Variants in C1GALT1 observed in about 807,000 individuals in gnomAD.
C1GALT1 encodes the protein core 1 synthase, glycoprotein-N-acetylgalactosamine 3-beta-galactosyltransferase 1, also known as glycoprotein-N-acetylgalactosamine 3-beta-galactosyltransferase 1.
A neutral mutation model predicts 31.0 loss-of-function variants in C1GALT1; 11 were observed. That is an observed-to-expected ratio of 0.36 (90% CI 0.22 to 0.59). The LOEUF is 0.59. Among genes scored for constraint, C1GALT1 ranks in the 20% least tolerant of loss-of-function variants. The pLI is 0.79. For synonymous variants in C1GALT1, 175 were observed against 143.6 expected (o/e 1.22, Z -1.56); for missense variants, 424 against 425.2 (o/e 1.00, Z 0.03).
intron 2 of C1GALT1, among the ~76,000 whole-genome samples, chr7:7,168,491 G>A (rs748543365): frequency 1.3e-5 from 2 of 152,208 alleles, no homozygotes; most frequent in African/African-American, 4.8e-5. Context: ...AAGGAAAGCC[G>A]TCAGGCCCCA....
At chr7:7,236,448 G>C (rs1783356247) in intron 2 of C1GALT1, among the ~76,000 whole-genome samples, 1 of 152,180 alleles carries the variant, frequency 6.6e-6, no homozygotes, top group South Asian at 2.1e-4. Context: ...CTTTCTGACT[G>C]AAAGTAGGGT....
At chr7:7,218,533 G>A (rs534084413) in intron 1 of C1GALT1, among the ~76,000 whole-genome samples, 66 of 152,236 alleles carry the variant, frequency 4.3e-4, no homozygotes, top group African/African-American at 1.6e-3. Context: ...AGATTTGGGG[G>A]TGGGGGATGA....
chr7:7,214,408 C>G (rs1369084118), intron 1 of C1GALT1, among the ~76,000 whole-genome samples: 1 of 151,924 alleles, frequency 6.6e-6, no homozygotes, highest in Admixed American at 6.6e-5. Context: ...GAGCCTTTTT[C>G]CAGAAAAACA....
Position 7,173,773 on chromosome 7 carries a change from C to G in C1GALT1, c.-18+16347C>G, listed in dbSNP as rs566233073. Among the ~76,000 whole-genome samples, 8 of 152,204 alleles carry G rather than the reference C, an allele frequency of 5.3e-5. No homozygotes were observed. The South Asian group carries it at 1.7e-3, about 32-fold the overall frequency. On this transcript the variant is annotated intron_variant, in intron 2 of 3. Coordinates refer to the C1GALT1 transcript ENST00000429911. ...AAAAAATTAGCTGGGCATGGTGGTG[C>G]ATGCCTCTGGTCCCTGTTACTCGGG...
intron 2 of C1GALT1, among the ~76,000 whole-genome samples, chr7:7,164,788 A>G (rs1031561097): frequency 6.6e-6 from 1 of 152,150 alleles, no homozygotes; most frequent in African/African-American, 2.4e-5. Context: ...CACCTGAGGC[A>G]GTTCCCTGAG....
At chr7:7,231,075 G>A (rs1017687795) in intron 1 of C1GALT1, among the ~76,000 whole-genome samples, 1 of 151,960 alleles carries the variant, frequency 6.6e-6, no homozygotes, top group Non-Finnish European at 1.5e-5. Flanking sequence ...CTTAGGTTTT[G>A]TTTTTCTGAA....
intron 3 of C1GALT1, among the ~76,000 whole-genome samples, chr7:7,241,021 C>T (rs1583839921): frequency 6.6e-6 from 1 of 152,074 alleles, no homozygotes; most frequent in East Asian, 1.9e-4. Context: ...CCCACTCCAC[C>T]TTCTTAGTAA....
chr7:7,235,899 CTT>C (rs1783314861), intron 2 of C1GALT1, among the ~76,000 whole-genome samples: 1 of 151,430 alleles, frequency 6.6e-6, no homozygotes, highest in Non-Finnish European at 1.5e-5. Flanking sequence ...TTTTTCATCT[CTT>C]TTCCTCTCAG....
In C1GALT1 at chr7:7,197,341, C is replaced by G. The variant is rs960255718; in HGVS notation, c.-18+14521C>G. Among the ~76,000 whole-genome samples the G allele has an allele frequency of 2.6e-5, 4 of 152,104 alleles. No homozygotes were observed. The South Asian group carries it at 8.3e-4, about 31-fold the overall frequency. ...TGTTTTTGTCGGGTTTGTCAAAGAT[C>G]AGAAGGTTGTACATGTGTGGTTTTA... On this transcript the variant is annotated intron_variant, in intron 1 of 3. Coordinates refer to ENST00000436587, the MANE Select transcript of C1GALT1 (RefSeq NM_020156.5).
chr7:7,217,404 C>A (rs1280891721), intron 1 of C1GALT1, among the ~76,000 whole-genome samples: 6 of 152,142 alleles, frequency 3.9e-5, no homozygotes, highest in African/African-American at 1.4e-4. Flanking sequence ...TGCTACATCA[C>A]CCAGGCTGCA....
At chr7:7,236,051 C>T (rs569948193) in intron 2 of C1GALT1, among the ~76,000 whole-genome samples, 1 of 152,114 alleles carries the variant, frequency 6.6e-6, no homozygotes, top group Admixed American at 6.5e-5. Flanking sequence ...TTTGTTCTAC[C>T]TAGGTCCCTA....
At chr7:7,217,934 G>T (rs1782321100) in intron 1 of C1GALT1, among the ~76,000 whole-genome samples, 1 of 152,152 alleles carries the variant, frequency 6.6e-6, no homozygotes, top group Non-Finnish European at 1.5e-5. Context: ...AAAGCTAGAT[G>T]GCTCTTGCAA....
At chr7:7,182,010 A>G (rs1022885689), upstream of C1GALT1, among the ~76,000 whole-genome samples, 3 of 152,164 alleles carry the variant, frequency 2.0e-5, no homozygotes, top group African/African-American at 7.2e-5. Flanking sequence ...AAATGTGCCT[A>G]TAGAAAGCTT....
At chr7:7,240,628 C>A (rs1006887796) in intron 3 of C1GALT1, among the ~76,000 whole-genome samples, 1 of 152,052 alleles carries the variant, frequency 6.6e-6, no homozygotes, top group Non-Finnish European at 1.5e-5. Context: ...GATACACATA[C>A]AGTAGTAGCA....
intron 2 of C1GALT1, among the ~76,000 whole-genome samples, chr7:7,236,957 A>AATT (rs1195490003): frequency 2.6e-5 from 4 of 152,194 alleles, no homozygotes; most frequent in African/African-American, 9.7e-5. Flanking sequence ...GTTTGACCTT[A>AATT]ATTTTAAGCA....
At chr7:7,181,771 C>A (rs556827990), upstream of C1GALT1, among the ~76,000 whole-genome samples, 1 of 152,254 alleles carries the variant, frequency 6.6e-6, no homozygotes, top group South Asian at 2.1e-4. Flanking sequence ...CTTTCCTATT[C>A]TGGAACGTGG....
chr7:7,208,098 C>T (rs192819655), intron 1 of C1GALT1, among the ~76,000 whole-genome samples: 5 of 152,162 alleles, frequency 3.3e-5, no homozygotes, highest in East Asian at 3.9e-4. Flanking sequence ...ATCATATGCA[C>T]GTTGTATATG....
chr7:7,186,428 C>T (rs1206092287), intron 1 of C1GALT1, among the ~76,000 whole-genome samples: 1 of 152,036 alleles, frequency 6.6e-6, no homozygotes, highest in Non-Finnish European at 1.5e-5. Flanking sequence ...AAATGTGGTC[C>T]CTGGATCTGC....
intron 1 of C1GALT1, among the ~76,000 whole-genome samples, chr7:7,217,078 T>C (rs1782278245): frequency 6.6e-6 from 1 of 152,172 alleles, no homozygotes; most frequent in South Asian, 2.1e-4. Flanking sequence ...AGATTTAAAG[T>C]TGAAATCCGC....
Sources: gnomAD v4.1 joint callset for allele counts (sites outside exome capture counted in the v4.1 genomes callset) on GRCh38, gnomAD v4.1.1 for gene constraint, MANE v1.5 for transcripts, NCBI Gene and HGNC (gene_info 2026-07-23, HGNC 2026-07-21) for gene names.